RAD51AP2: variants seen among roughly 807,000 people sequenced by gnomAD.
RAD51AP2 encodes RAD51-associated protein 2.
RAD51AP2 carries 67 observed loss-of-function variants against 85.5 expected under a neutral mutation model. The observed-to-expected ratio is 0.78, with a 90% CI of 0.64 to 0.96. RAD51AP2 has a LOEUF of 0.96. Ranked by LOEUF, RAD51AP2 falls within the 40% of genes least tolerant of loss-of-function variation. The pLI, the probability that RAD51AP2 is intolerant of heterozygous loss-of-function variation, is 0.00. For synonymous variants in RAD51AP2, 474 were observed against 446.5 expected (o/e 1.06, Z -0.78); for missense variants, 1,307 against 1,332.4 (o/e 0.98, Z 0.30).
chr2:17,534,926 G>A, the RAD51AP2 span, among the ~76,000 whole-genome samples: 1 of 152,106 alleles, frequency 6.6e-6, no homozygotes, highest in Non-Finnish European at 1.5e-5. Flanking sequence ...AAAATGATTC[G>A]AGAGTTTTTT....
rs761925161 is a variant in RAD51AP2, at chr2:17,517,377, T to G, written c.1039A>C (p.Ser347Arg). ...QNTCKRKDLI[S>R]SNYCNCSSIQ... ...CTACTGCAGTTACAGTAGTTTGAACTGATCAAGTCTTTTCTCTTACAAGTA... is the reference window on the plus strand; with the variant it reads ...CTACTGCAGTTACAGTAGTTTGAACGGATCAAGTCTTTTCTCTTACAAGTA... The change falls in exon 1 of 3, where the codon AGT (serine) becomes CGT (arginine). Residue 347 changes from serine to arginine, a missense_variant. Physicochemically the swap from Ser to Arg is moderately radical, Grantham distance 110 (BLOSUM62 -1). This residue lies in a region of RAD51AP2 where 635 missense variants were observed against 643.6 expected (regional missense o/e 0.99). Coordinates refer to ENST00000399080, the MANE Select transcript of RAD51AP2 (RefSeq NM_001099218.3). 12 of 1,613,662 alleles carry G rather than the reference T, an allele frequency of 7.4e-6. No individual in the cohort carries two copies. The African/African-American group carries it at 1.2e-4, about 16-fold the overall frequency.
chr2:17,531,504 T>C, the RAD51AP2 span, among the ~76,000 whole-genome samples: 1 of 152,168 alleles, frequency 6.6e-6, no homozygotes, highest in Non-Finnish European at 1.5e-5. Context: ...CTCTAAAAAA[T>C]AGTCTATTAA....
In RAD51AP2 at chr2:17,517,034, A is replaced by C. The variant is rs1339714896; in HGVS notation, c.1382T>G (p.Leu461Arg). The stretch of plus-strand genomic sequence containing the variant: ...ACTACCTAATATTTCTCTTACGAGA[A>C]GCTTTGATTGTTCTTCATATGCATT... ...VINAYEEQSKLLVREILGSQT... is the reference protein window; with the variant it reads ...VINAYEEQSKRLVREILGSQT... The change falls in exon 1 of 3, where the codon CTT becomes CGT. Residue 461 changes from leucine (L) to arginine (R), a missense_variant. By Grantham distance (102) the Leu-to-Arg change is moderately radical. Transcript: ENST00000399080. The C allele has an allele frequency of 6.2e-7, 1 of 1,606,608 alleles. No individual in the cohort carries two copies. The highest frequency in any genetic ancestry group is 2.2e-5 in the East Asian group (1 of 44,808).
chr2:17,536,505 T>G, the RAD51AP2 span, among the ~76,000 whole-genome samples: 1,261 of 152,352 alleles, frequency 8.3e-3, 16 homozygotes, highest in African/African-American at 0.028. Flanking sequence ...GAATAAAGTA[T>G]TCTCTATTCT....
At chr2:17,531,470 A>G in the RAD51AP2 span, among the ~76,000 whole-genome samples, 1 of 152,222 alleles carries the variant, frequency 6.6e-6, no homozygotes, top group Non-Finnish European at 1.5e-5. Flanking sequence ...TAAAAACATC[A>G]TATGTGCTGT....
At chr2:17,532,718 A>C in the RAD51AP2 span, among the ~76,000 whole-genome samples, 1 of 152,156 alleles carries the variant, frequency 6.6e-6, no homozygotes, top group African/African-American at 2.4e-5. Flanking sequence ...AGATAGATGG[A>C]TAGATAGATA....
chr2:17,515,375 T>C lies in RAD51AP2; in HGVS notation c.3041A>G (p.Glu1014Gly). The stretch of plus-strand genomic sequence containing the variant: ...GACCACAACCATTTTCAAATCTTTT[T>C]CTATCTCCATTTTTACCTTCTCAGC... ...NDAEKVKMEI[E>G]KDLKMVVVNK... Residue 1014 changes from glutamate to glycine, a missense_variant, in exon 1 of 3, where the codon GAA becomes GGA. Glu to Gly is a moderately conservative substitution (Grantham distance 98). Around this residue, in one of 3 missense-constraint regions of RAD51AP2, gnomAD observed 668 missense variants for 671.0 expected, o/e 1.00. Transcript: ENST00000399080. The C allele has an allele frequency of 6.2e-7, 1 of 1,611,316 alleles. No individual in the cohort carries two copies. The highest frequency in any genetic ancestry group is 8.5e-7 in the Non-Finnish European group (1 of 1,179,276).
At chr2:17,534,540 C>T in the RAD51AP2 span, among the ~76,000 whole-genome samples, 1 of 151,794 alleles carries the variant, frequency 6.6e-6, no homozygotes, top group Non-Finnish European at 1.5e-5. Context: ...ACAATATGGC[C>T]TTTCTCTTCT....
chr2:17,522,123 C>T (rs1280508756), upstream of RAD51AP2, among the ~76,000 whole-genome samples: 1 of 151,910 alleles, frequency 6.6e-6, no homozygotes, highest in Non-Finnish European at 1.5e-5. Context: ...CATTTTGTTA[C>T]TTTCTTAAGA....
the RAD51AP2 span, among the ~76,000 whole-genome samples, chr2:17,528,701 G>A: frequency 0.29 from 44,380 of 152,002 alleles, 8,293 homozygotes; most frequent in East Asian, 0.86. Flanking sequence ...AAATTAGCCT[G>A]GCATGGTGGC....
chr2:17,514,347 T>G (rs997897773), intron 1 of RAD51AP2, among the ~76,000 whole-genome samples: 6 of 152,160 alleles, frequency 3.9e-5, no homozygotes, highest in Non-Finnish European at 7.3e-5. Context: ...AATTCAAATT[T>G]CAAGGTGAAG....
At chr2:17,529,358 A>G in the RAD51AP2 span, among the ~76,000 whole-genome samples, 7 of 152,140 alleles carry the variant, frequency 4.6e-5, no homozygotes, top group South Asian at 1.5e-3. Context: ...AGAATTATGT[A>G]TCATAGTATG....
chr2:17,510,847 T>C lies in RAD51AP2; in HGVS notation c.3437A>G (p.Tyr1146Cys). 1 of 1,600,642 alleles carries C rather than the reference T, an allele frequency of 6.2e-7. No homozygotes were observed. The highest frequency in any genetic ancestry group is 8.5e-7 in the Non-Finnish European group (1 of 1,172,756). The change falls in exon 3 of 3, where the codon TAT (tyrosine) becomes TGT (cysteine). Residue 1146 changes from tyrosine (Y) to cysteine (C), a missense_variant. Around this residue, in one of 3 missense-constraint regions of RAD51AP2, gnomAD observed 668 missense variants for 671.0 expected, o/e 1.00. Coordinates refer to ENST00000399080, the MANE Select transcript of RAD51AP2 (RefSeq NM_001099218.3). ...GTTTCCGTAACACATTTGTTTCAGA[T>C]AAGGATGAAGTTGTTTAATCCTTGC... is the stretch of plus-strand genomic sequence containing the variant. Reference protein sequence around the residue: ...RKARIKQLHPYLKQMCYGNLK... With the variant: ...RKARIKQLHPCLKQMCYGNLK...
At chr2:17,529,286 T>G in the RAD51AP2 span, among the ~76,000 whole-genome samples, 1 of 151,836 alleles carries the variant, frequency 6.6e-6, no homozygotes, top group African/African-American at 2.4e-5. Context: ...ACTTAAAATT[T>G]TTTTTCTCTT....
At position 17,513,871 on chromosome 2, in the gene RAD51AP2, T is replaced by G. The variant is rs938361334; in HGVS notation, c.3328+141A>C. 5.2e-6 allele frequency: 3 copies of G among 576,316 alleles called. No individual in the cohort carries two copies. In the African/African-American group the frequency reaches 5.7e-5, roughly 11 times the overall value. 35.7% of individuals were successfully genotyped at this position (576,316 alleles called of 1,614,324 possible). ...ATTTTTAATTATTAGAATTTATCAG[T>G]ATAATATTAATGCTCTTAAAAGGTG... On this transcript the variant is annotated intron_variant, in intron 2 of 2. Transcript: ENST00000399080.
At chr2:17,527,759 G>C in the RAD51AP2 span, among the ~76,000 whole-genome samples, 1 of 152,184 alleles carries the variant, frequency 6.6e-6, no homozygotes, top group Non-Finnish European at 1.5e-5. Context: ...ATAAGGATGA[G>C]GGTGAGGCAT....
chr2:17,524,908 A>G, the RAD51AP2 span, among the ~76,000 whole-genome samples: 1 of 151,928 alleles, frequency 6.6e-6, no homozygotes, highest in Non-Finnish European at 1.5e-5. Context: ...GGATTGAAAA[A>G]TTCCTGTAAA....
chr2:17,517,829 G>GT lies in RAD51AP2; in HGVS notation c.586dup (p.Thr196AsnfsTer7), dbSNP rs1053558142. ...TGGTGATTTAGTTTCCTTGTAAAAG[G>GT]TAACATCTAAAAATGGATTTTCTTT... On this transcript the variant is annotated frameshift_variant, in exon 1 of 3. Coordinates refer to ENST00000399080, the MANE Select transcript of RAD51AP2 (RefSeq NM_001099218.3). LOFTEE classifies it high-confidence loss of function. The GT allele has an allele frequency of 5.6e-6, 9 of 1,613,964 alleles. No homozygotes were observed. The highest frequency in any genetic ancestry group is 6.8e-6 in the Non-Finnish European group (8 of 1,179,980).
chr2:17,517,015 TAA>T lies in RAD51AP2; in HGVS notation c.1399_1400del (p.Leu467ArgfsTer2). On this transcript the variant is annotated frameshift_variant, in exon 1 of 3. Coordinates refer to ENST00000399080, the MANE Select transcript of RAD51AP2 (RefSeq NM_001099218.3). LOFTEE classifies it high-confidence loss of function. Reference protein sequence around the residue: ...EQSKLLVREILGSQTALITTV... With the variant: ...EQSKLLVREIXGSQTALITTV... ...TCGTTATTAAAGCTGTCTGACTACC[TAA>T]TATTTCTCTTACGAGAAGCTTTGAT... is the stretch of plus-strand genomic sequence containing the variant. 3.1e-6 allele frequency: 5 copies of T among 1,603,294 alleles called. No individual in the cohort carries two copies. Among genetic ancestry groups the T allele is most frequent in the African/African-American group, 1.3e-5 (1 of 74,250 alleles).
Sources: gnomAD v4.1 joint callset for allele counts (sites outside exome capture counted in the v4.1 genomes callset) on GRCh38, gnomAD v4.1.1 for gene constraint, gnomAD v4.1.1 regional missense constraint, MANE v1.5 for transcripts, NCBI Gene and HGNC (gene_info 2026-07-23, HGNC 2026-07-21) for gene names.